The following DLG1 variants were observed in gnomAD, a reference collection of about 807,000 sequenced individuals.
DLG1 encodes disks large homolog 1.
Under a neutral mutation model 123.4 loss-of-function variants are expected in DLG1, and 42 were observed. The observed-to-expected ratio is 0.34, with a 90% CI of 0.27 to 0.44. The LOEUF (loss-of-function observed/expected upper bound fraction) is 0.44, where lower values mean the gene tolerates loss of function less well. DLG1 is among the 20% of genes least tolerant of loss of function. DLG1 has a pLI of 1.00. For missense variants in DLG1, 942 were observed against 1,082.6 expected (o/e 0.87, Z 1.82); for synonymous variants, 317 against 356.2 (o/e 0.89, Z 1.24).
At chr3:197,045,107 A>ATTT (rs575412942) in intron 24 of DLG1, among the ~76,000 whole-genome samples, 1 of 144,584 alleles carries the variant, frequency 6.9e-6, no homozygotes. Context: ...TGTAAGGATA[A>ATTT]TTTTTTTTTT....
chr3:197,051,550 A>G, intron 24 of DLG1, 27 bp downstream of exon 24: 1 of 1,588,768 alleles, frequency 6.3e-7, no homozygotes, highest in Non-Finnish European at 8.6e-7. Flanking sequence ...TCTATCTTAA[A>G]GAGGACTGTT....
In DLG1 at chr3:197,050,460, G is replaced by GGT. The variant is rs571671220; in HGVS notation, c.2575+1115_2575+1116dup. On this transcript the variant is annotated intron_variant, in intron 24 of 24. Coordinates refer to ENST00000667157, the MANE Select transcript of DLG1 (RefSeq NM_001366207.1). ...TATGTATGTATGTATGCATGCATAT[G>GGT]GTATATATACAACAATGGAATATTT... Among the ~76,000 whole-genome samples, 17 of 151,764 alleles carry GGT rather than the reference G, an allele frequency of 1.1e-4. No individual in the cohort carries two copies. The East Asian group carries it at 2.9e-3, about 26-fold the overall frequency.
At chr3:197,257,774 A>G (rs1757499032) in intron 4 of DLG1, among the ~76,000 whole-genome samples, 1 of 152,182 alleles carries the variant, frequency 6.6e-6, no homozygotes, top group African/African-American at 2.4e-5. Flanking sequence ...AGAGTGCTTT[A>G]TTGCTAACAT....
At chr3:197,289,033 C>T (rs775640998) in intron 3 of DLG1, among the ~76,000 whole-genome samples, 32 of 152,134 alleles carry the variant, frequency 2.1e-4, no homozygotes, top group Non-Finnish European at 3.8e-4. Context: ...CTTGCTATAT[C>T]TCACTGTGCT....
At chr3:197,246,899 T>C (rs1751988434) in intron 4 of DLG1, among the ~76,000 whole-genome samples, 1 of 152,156 alleles carries the variant, frequency 6.6e-6, no homozygotes, top group African/African-American at 2.4e-5. Flanking sequence ...TGGATGGATG[T>C]TCACATTCCC....
chr3:197,131,003 A>G (rs1175992955), intron 10 of DLG1, among the ~76,000 whole-genome samples: 19 of 152,198 alleles, frequency 1.2e-4, no homozygotes, highest in Admixed American at 1.2e-3. Flanking sequence ...AAACATACTA[A>G]AATTTTTGTT....
intron 5 of DLG1, among the ~76,000 whole-genome samples, chr3:197,191,384 G>C (rs1440153514): frequency 6.6e-6 from 1 of 152,112 alleles, no homozygotes; most frequent in Non-Finnish European, 1.5e-5. Context: ...GGAAAGCTGA[G>C]GTTTCATGAG....
chr3:197,169,747 C>A (rs1803198484), intron 5 of DLG1, among the ~76,000 whole-genome samples: 2 of 152,138 alleles, frequency 1.3e-5, no homozygotes, highest in Admixed American at 6.6e-5. Flanking sequence ...AGATTCACTA[C>A]TGTATCTTTT....
chr3:197,216,081 A>G (rs1561500933), intron 4 of DLG1, among the ~76,000 whole-genome samples: 2 of 152,194 alleles, frequency 1.3e-5, no homozygotes, highest in Non-Finnish European at 2.9e-5. Context: ...AATTAAAAGC[A>G]ATTCTAAATA....
rs148359678 is a variant in DLG1, at chr3:197,266,395, C to T, written c.318+16284G>A. Reference sequence around the variant, plus strand: ...TGTGTTAATTAGACAAAAATAAAAACGAAACTATCGAGACCAACCTGGGCA... The same window carrying T: ...TGTGTTAATTAGACAAAAATAAAAATGAAACTATCGAGACCAACCTGGGCA... On this transcript the variant is annotated intron_variant, in intron 4 of 24. Coordinates refer to ENST00000667157, the MANE Select transcript of DLG1 (RefSeq NM_001366207.1). Among the ~76,000 whole-genome samples the T allele has an allele frequency of 1.4e-4, 22 of 151,984 alleles. No individual in the cohort carries two copies. In the East Asian group the frequency reaches 1.7e-3, roughly 12 times the overall value.
intron 6 of DLG1, among the ~76,000 whole-genome samples, chr3:197,146,429 A>G (rs992766210): frequency 2.0e-5 from 3 of 152,252 alleles, no homozygotes; most frequent in African/African-American, 7.2e-5. Context: ...TCATCAAAAC[A>G]GCATGGTACT....
At chr3:197,162,535 CTTCA>C (rs1799218840) in intron 5 of DLG1, among the ~76,000 whole-genome samples, 1 of 152,130 alleles carries the variant, frequency 6.6e-6, no homozygotes, top group African/African-American at 2.4e-5. Context: ...AAGGGCTTAT[CTTCA>C]TTCATAAATG....
intron 15 of DLG1, among the ~76,000 whole-genome samples, chr3:197,086,414 TACA>T (rs1339038731): frequency 3.3e-5 from 5 of 152,242 alleles, no homozygotes; most frequent in African/African-American, 7.2e-5. Context: ...TTAATTAATG[TACA>T]ACATTAAAAT....
intron 4 of DLG1, among the ~76,000 whole-genome samples, chr3:197,245,126 C>G (rs537954025): frequency 1.3e-5 from 2 of 152,072 alleles, no homozygotes; most frequent in Non-Finnish European, 2.9e-5. Context: ...TTGGTTCATT[C>G]TTTCTACTCT....
chr3:197,182,171 G>C (rs1712594063), intron 5 of DLG1, among the ~76,000 whole-genome samples: 1 of 151,894 alleles, frequency 6.6e-6, no homozygotes, highest in Admixed American at 6.6e-5. Flanking sequence ...CTGTCTTGTT[G>C]ACAATGGAAA....
intron 4 of DLG1, among the ~76,000 whole-genome samples, chr3:197,243,530 C>T (rs569993505): frequency 1.3e-5 from 2 of 152,148 alleles, no homozygotes; most frequent in Non-Finnish European, 2.9e-5. Context: ...TCAGTAAGGG[C>T]TGTTGTAATA....
At chr3:197,298,427 G>GC (rs1778548724) in intron 1 of DLG1, 109 bp downstream of exon 1, 1 of 398,650 alleles carries the variant, frequency 2.5e-6, no homozygotes, top group Non-Finnish European at 4.4e-6. Flanking sequence ...CCTTGCCCTA[G>GC]CCCACCGGCG....
chr3:197,274,084 C>T (rs1211889218), intron 4 of DLG1, among the ~76,000 whole-genome samples: 1 of 152,118 alleles, frequency 6.6e-6, no homozygotes, highest in Non-Finnish European at 1.5e-5. Flanking sequence ...TGACATTCTT[C>T]ATAGAAATAG....
rs548391931 is a variant in DLG1 at position 197,066,444 on chromosome 3, A to C, written c.2098+260T>G. Among the ~76,000 whole-genome samples, 4 of 152,336 alleles carry C rather than the reference A, an allele frequency of 2.6e-5. 1 individual carries two copies. In the South Asian group the frequency reaches 8.3e-4, roughly 32 times the overall value. On this transcript the variant is annotated intron_variant, in intron 20 of 24. Coordinates refer to ENST00000667157, the MANE Select transcript of DLG1 (RefSeq NM_001366207.1). Reference sequence around the variant, plus strand: ...TTTTCAAAAAAGGGTTATTTGGAAGATAGTGATGCTAACAAGAACACTGGA... The same window carrying C: ...TTTTCAAAAAAGGGTTATTTGGAAGCTAGTGATGCTAACAAGAACACTGGA...
Sources: allele counts gnomAD v4.1 joint callset (sites outside exome capture counted in the v4.1 genomes callset), GRCh38; gene constraint gnomAD v4.1.1; transcripts MANE v1.5; gene names NCBI Gene and HGNC (gene_info 2026-07-23, HGNC 2026-07-21).